ELF1: variants seen among roughly 807,000 people sequenced by gnomAD.
ELF1 encodes the protein E74 like ETS transcription factor 1, also known as ETS-related transcription factor Elf-1.
In ELF1, 24 loss-of-function variants were observed where a neutral mutation model predicts 59.9. The observed-to-expected ratio is 0.40, with a 90% CI of 0.29 to 0.56. The LOEUF (loss-of-function observed/expected upper bound fraction) is 0.56. ELF1 is among the 20% of genes least tolerant of loss of function. The probability of loss-of-function intolerance (pLI) is 0.44; values close to 1 mark genes in which losing one functional copy is unlikely to be tolerated. For synonymous variants in ELF1, 248 were observed against 266.2 expected, an observed-to-expected ratio of 0.93 and a Z score of 0.67; for missense variants, 627 against 742.2, an observed-to-expected ratio of 0.84 and a Z score of 1.80.
intron 3 of ELF1, among the ~76,000 whole-genome samples, chr13:40,951,995 C>G (rs145147007): frequency 2.0e-5 from 3 of 152,222 alleles, no homozygotes; most frequent in Non-Finnish European, 4.4e-5. Flanking sequence ...AAAGACAAGA[C>G]AGTTTTTTGC....
At chr13:40,982,320 A>T in intron 1 of ELF1, 38 bp from the exon 2 acceptor site, 1 of 1,196,614 alleles carries the variant, frequency 8.4e-7, no homozygotes, top group Non-Finnish European at 1.0e-6. Context: ...TGAAAAAGCA[A>T]TCACCCACTT....
At chr13:40,972,306 G>C (rs1384045197) in intron 2 of ELF1, among the ~76,000 whole-genome samples, 2 of 152,142 alleles carry the variant, frequency 1.3e-5, no homozygotes, top group African/African-American at 4.8e-5. Flanking sequence ...AACAACGCCA[G>C]GGCAAACTAT....
At chr13:41,048,151 C>T (rs1480547371) in intron 1 of ELF1, among the ~76,000 whole-genome samples, 1 of 152,160 alleles carries the variant, frequency 6.6e-6, no homozygotes, top group African/African-American at 2.4e-5. Context: ...GTGGGAGTGA[C>T]CCGATTTTCT....
Position 40,933,413 on chromosome 13 carries a change from T to C in ELF1, c.*12A>G, listed in dbSNP as rs1869536386. The C allele has an allele frequency of 6.2e-7, 1 of 1,602,552 alleles. No individual in the cohort carries two copies. The highest frequency in any genetic ancestry group is 1.3e-5 in the African/African-American group (1 of 74,186). ...ATTAACAAACAATTATTCATAAGCT[T>C]TGGTATATTAACTAAAAAGAGTTGG... On this transcript the variant is annotated 3_prime_UTR_variant, in exon 9 of 9. Transcript: ENST00000239882.
chr13:41,010,760 A>G (rs1429781334), intron 1 of ELF1, among the ~76,000 whole-genome samples: 1 of 152,194 alleles, frequency 6.6e-6, no homozygotes, highest in Admixed American at 6.5e-5. Context: ...TATAATAAAA[A>G]TTTAAGAGAC....
At chr13:41,037,783 G>A (rs1440663311) in intron 1 of ELF1, among the ~76,000 whole-genome samples, 1 of 150,648 alleles carries the variant, frequency 6.6e-6, no homozygotes, top group African/African-American at 2.4e-5. Context: ...GCGACTAAGC[G>A]AGACTCCGTC....
intron 1 of ELF1, among the ~76,000 whole-genome samples, chr13:41,047,414 T>C (rs1876895897): frequency 6.6e-6 from 1 of 152,230 alleles, no homozygotes; most frequent in African/African-American, 2.4e-5. Flanking sequence ...TGGTTTTATC[T>C]ACCTTTGGTC....
rs560828467 is a variant in ELF1, at chr13:41,037,485, A to T, written c.-229+23353T>A. On this transcript the variant is annotated intron_variant, in intron 1 of 1. Coordinates refer to the ELF1 transcript ENST00000405737. ...TAACATCCCAAACCTCAAACCTCAA[A>T]AATATTTTGAACTTTAGAAATTAGT... 5.1e-4 allele frequency among the ~76,000 whole-genome samples: 78 copies of T among 152,284 alleles called. No individual in the cohort carries two copies. In the Middle Eastern group the frequency reaches 0.01, roughly 20 times the overall value.
Position 40,943,080 on chromosome 13 carries a change from T to C in ELF1, c.678A>G (p.Lys226=). ...ALLQDKATCP[K]YIKWTQREKG... Reference sequence around the variant, plus strand: ...TCTCTCGCTGGGTCCACTTGATGTATTTAGGACAAGTAGCCTTGTCCTGGA... The same window carrying C: ...TCTCTCGCTGGGTCCACTTGATGTACTTAGGACAAGTAGCCTTGTCCTGGA... The change falls in exon 7 of 9, where the codon AAA becomes AAG. Residue 226 remains lysine, a synonymous_variant. Transcript: ENST00000239882. The C allele has an allele frequency of 1.9e-6, 3 of 1,611,102 alleles. No homozygotes were observed. Among genetic ancestry groups the C allele is most frequent in the African/African-American group, 1.3e-5 (1 of 75,018 alleles).
At chr13:40,962,120 A>G (rs1871861646) in intron 2 of ELF1, among the ~76,000 whole-genome samples, 1 of 152,140 alleles carries the variant, frequency 6.6e-6, no homozygotes, top group African/African-American at 2.4e-5. Context: ...CTCCTTTATA[A>G]TCAATGTCAC....
At chr13:40,943,621 A>T (rs1256221770) in intron 6 of ELF1, among the ~76,000 whole-genome samples, 2 of 152,220 alleles carry the variant, frequency 1.3e-5, no homozygotes, top group Non-Finnish European at 2.9e-5. Context: ...TTAAATGAAA[A>T]GAATAGATTA....
intron 2 of ELF1, among the ~76,000 whole-genome samples, chr13:40,972,613 T>C (rs1209186722): frequency 6.6e-6 from 1 of 152,230 alleles, no homozygotes; most frequent in Non-Finnish European, 1.5e-5. Context: ...GTCATTAATA[T>C]GAGGACTGTT....
intron 1 of ELF1, among the ~76,000 whole-genome samples, chr13:41,047,088 C>T (rs1271408085): frequency 1.3e-5 from 2 of 152,176 alleles, no homozygotes; most frequent in Non-Finnish European, 2.9e-5. Context: ...GAAGCTTGTG[C>T]ATTCGTCACG....
At chr13:41,043,402 A>T (rs1366816784) in intron 1 of ELF1, among the ~76,000 whole-genome samples, 2 of 152,022 alleles carry the variant, frequency 1.3e-5, no homozygotes, top group Non-Finnish European at 2.9e-5. Flanking sequence ...TGAATGGTAA[A>T]GCCTAGGTTT....
chr13:41,043,849 C>T (rs977928765), intron 1 of ELF1, among the ~76,000 whole-genome samples: 2 of 152,122 alleles, frequency 1.3e-5, no homozygotes, highest in African/African-American at 2.4e-5. Flanking sequence ...TCATTGGTAG[C>T]TTGATGGTGA....
intron 1 of ELF1, among the ~76,000 whole-genome samples, chr13:41,030,699 C>A (rs1593403781): frequency 6.6e-6 from 1 of 151,204 alleles, no homozygotes; most frequent in Non-Finnish European, 1.5e-5. Context: ...TGCAGTGAAC[C>A]GTGATCATGC....
At chr13:40,968,300 A>C (rs1362295092) in intron 2 of ELF1, among the ~76,000 whole-genome samples, 2 of 152,220 alleles carry the variant, frequency 1.3e-5, no homozygotes, top group African/African-American at 4.8e-5. Context: ...CACACAGTAC[A>C]TCTACATGGA....
At chr13:41,033,219 T>C (rs534430307) in intron 1 of ELF1, among the ~76,000 whole-genome samples, 1 of 152,110 alleles carries the variant, frequency 6.6e-6, no homozygotes, top group Non-Finnish European at 1.5e-5. Flanking sequence ...GGGTTTGGAG[T>C]GGGTGACCCA....
chr13:40,983,841 G>A (rs7329315), intron 1 of ELF1, among the ~76,000 whole-genome samples: 150,235 of 152,286 alleles, frequency 0.99, 74,131 homozygotes, highest in East Asian at 1. Context: ...AAACTATTCA[G>A]TCTTGCCTCT....
Sources: gnomAD v4.1 joint callset for allele counts (sites outside exome capture counted in the v4.1 genomes callset) on GRCh38, gnomAD v4.1.1 for gene constraint, MANE v1.5 for transcripts, NCBI Gene and HGNC (gene_info 2026-07-23, HGNC 2026-07-21) for gene names.